The following CSMD1 variants were observed in gnomAD, a reference collection of about 807,000 sequenced individuals.
CSMD1 encodes CUB and Sushi multiple domains 1, also known as CUB and sushi domain-containing protein 1.
Under a neutral mutation model 417.5 loss-of-function variants are expected in CSMD1, and 213 were observed. That is an observed-to-expected ratio of 0.51 (90% confidence interval 0.46 to 0.57). The LOEUF (loss-of-function observed/expected upper bound fraction) is 0.57, where lower values mean the gene tolerates loss of function less well. CSMD1 is among the 20% of genes least tolerant of loss of function. The pLI is 0.00. For missense variants in CSMD1, 6,923 were observed against 4,529.7 expected (o/e 1.53, Z -15.17); for synonymous variants, 2,862 against 1,736.8 (o/e 1.65, Z -16.11).
intron 10 of CSMD1, among the ~76,000 whole-genome samples, chr8:3,502,087 G>A (rs745470621): frequency 1.3e-5 from 2 of 152,110 alleles, no homozygotes; most frequent in African/African-American, 4.8e-5. Flanking sequence ...AACACCAACA[G>A]CTAAAAACGT....
In CSMD1 at chr8:3,709,331, G is replaced by A. The variant is rs561344322; in HGVS notation, c.932-840C>T. 1.2e-3 allele frequency among the ~76,000 whole-genome samples: 180 copies of A among 152,190 alleles called. 2 individuals carry two copies. The highest frequency in any genetic ancestry group is 4.1e-3 in the African/African-American group (170 of 41,530). ...TACAGCAGCTGCGAGCAGGCAGATCGGCTCCAAATCTTTGCTTACAACAGG... is the reference window on the plus strand; with the variant it reads ...TACAGCAGCTGCGAGCAGGCAGATCAGCTCCAAATCTTTGCTTACAACAGG... On this transcript the variant is annotated intron_variant, in intron 6 of 69. Transcript: ENST00000635120.
At chr8:3,214,891 T>C (rs1041867096) in intron 29 of CSMD1, among the ~76,000 whole-genome samples, 200 bp from the exon 30 acceptor site, 3 of 152,240 alleles carry the variant, frequency 2.0e-5, no homozygotes, top group African/African-American at 7.2e-5. Context: ...AATTCCTTTT[T>C]AATAAAATTA....
intron 3 of CSMD1, among the ~76,000 whole-genome samples, chr8:4,405,865 T>A (rs1310708133): frequency 6.6e-6 from 1 of 152,194 alleles, no homozygotes; most frequent in Non-Finnish European, 1.5e-5. Flanking sequence ...CTCACCACTT[T>A]AGAAATGCAT....
intron 23 of CSMD1, among the ~76,000 whole-genome samples, chr8:3,337,565 A>G (rs1470050352): frequency 6.6e-6 from 1 of 152,206 alleles, no homozygotes; most frequent in Non-Finnish European, 1.5e-5. Flanking sequence ...CCACTCTTTC[A>G]TCAATGCTAT....
intron 19 of CSMD1, 147 bp from the exon 20 acceptor site, chr8:3,367,394 G>C (rs1809666335): frequency 1.6e-6 from 1 of 620,460 alleles, no homozygotes; most frequent in Non-Finnish European, 2.9e-6. Context: ...AAGACAGATT[G>C]CAGAGAGTAA....
chr8:4,761,877 AT>A (rs1214118918), intron 1 of CSMD1, among the ~76,000 whole-genome samples: 73 of 95,598 alleles, frequency 7.6e-4, no homozygotes, highest in Middle Eastern at 0.013. Context: ...CTATCTATCT[AT>A]CTATCTATCT....
At chr8:3,873,374 T>TA (rs375696819) in intron 5 of CSMD1, among the ~76,000 whole-genome samples, 16 of 150,840 alleles carry the variant, frequency 1.1e-4, no homozygotes, top group Middle Eastern at 3.4e-3. Context: ...TATCAAGACA[T>TA]AAAAAAAAAT....
chr8:4,761,616 T>A (rs1812073622), intron 1 of CSMD1, among the ~76,000 whole-genome samples: 1 of 152,086 alleles, frequency 6.6e-6, no homozygotes, highest in South Asian at 2.1e-4. Flanking sequence ...CATTTATCTT[T>A]AACACTCCCA....
chr8:4,930,438 G>C (rs1359866280), intron 1 of CSMD1, among the ~76,000 whole-genome samples: 1 of 152,002 alleles, frequency 6.6e-6, no homozygotes, highest in Admixed American at 6.5e-5. Context: ...GGCGCTTAAA[G>C]AGAAATTTGA....
chr8:3,609,020 C>A (rs532006620), intron 8 of CSMD1, among the ~76,000 whole-genome samples: 3 of 152,132 alleles, frequency 2.0e-5, no homozygotes, highest in African/African-American at 7.2e-5. Context: ...CCCTTTCCAG[C>A]GGTCCTGCAT....
chr8:4,665,921 A>T (rs535970401), intron 1 of CSMD1, among the ~76,000 whole-genome samples: 2 of 152,324 alleles, frequency 1.3e-5, no homozygotes, highest in Non-Finnish European at 2.9e-5. Context: ...ACTTTACAAG[A>T]ATGACCCAAA....
intron 12 of CSMD1, among the ~76,000 whole-genome samples, chr8:3,419,059 G>A (rs761221714): frequency 1.3e-5 from 2 of 152,206 alleles, no homozygotes; most frequent in African/African-American, 2.4e-5. Context: ...GCTCTGCTGT[G>A]TCTGTTGCCA....
At chr8:3,687,923 C>G (rs1384623923) in intron 7 of CSMD1, among the ~76,000 whole-genome samples, 1 of 152,230 alleles carries the variant, frequency 6.6e-6, no homozygotes, top group Non-Finnish European at 1.5e-5. Context: ...GAGTAAATGC[C>G]TCTCTGCACC....
intron 3 of CSMD1, among the ~76,000 whole-genome samples, chr8:4,037,932 T>C (rs933822852): frequency 6.6e-6 from 1 of 152,150 alleles, no homozygotes; most frequent in Admixed American, 6.5e-5. Flanking sequence ...AAAAAAAGTT[T>C]TTCAAAATTC....
chr8:4,945,271 A>G (rs999545093), intron 1 of CSMD1, among the ~76,000 whole-genome samples: 1 of 152,182 alleles, frequency 6.6e-6, no homozygotes, highest in African/African-American at 2.4e-5. Flanking sequence ...TTACTGTTGA[A>G]TGGGAACAGA....
chr8:3,687,443 G>A (rs1196504807), intron 7 of CSMD1, among the ~76,000 whole-genome samples: 1 of 152,186 alleles, frequency 6.6e-6, no homozygotes, highest in Non-Finnish European at 1.5e-5. Flanking sequence ...ATAAATTATG[G>A]AAGCAGAGCC....
At chr8:3,296,254 C>T (rs541634183) in intron 25 of CSMD1, among the ~76,000 whole-genome samples, 27 of 151,606 alleles carry the variant, frequency 1.8e-4, no homozygotes, top group African/African-American at 2.4e-4. Context: ...GGGTGTTTGT[C>T]GCATCCTGTG....
At chr8:3,927,989 T>C (rs559762058) in intron 5 of CSMD1, among the ~76,000 whole-genome samples, 2 of 152,286 alleles carry the variant, frequency 1.3e-5, no homozygotes, top group East Asian at 3.9e-4. Flanking sequence ...TATTGAAGAA[T>C]ATGATGGTTT....
At chr8:3,834,489 C>A (rs925631839) in intron 5 of CSMD1, among the ~76,000 whole-genome samples, 2 of 152,166 alleles carry the variant, frequency 1.3e-5, no homozygotes, top group African/African-American at 4.8e-5. Context: ...CAGGTCAGTA[C>A]CTCGGTACTT....
Sources: gnomAD v4.1 joint callset for allele counts (sites outside exome capture counted in the v4.1 genomes callset) on GRCh38, gnomAD v4.1.1 for gene constraint, MANE v1.5 for transcripts, NCBI Gene and HGNC (gene_info 2026-07-23, HGNC 2026-07-21) for gene names.